THRB: variants seen among roughly 807,000 people sequenced by gnomAD.
The protein encoded by THRB is nuclear receptor subfamily 1 group A member 2.
A neutral mutation model predicts 47.8 loss-of-function variants in THRB; 12 were observed. The observed-to-expected ratio is 0.25, with a 90% confidence interval of 0.16 to 0.41. The LOEUF (loss-of-function observed/expected upper bound fraction) is 0.41. Ranked by LOEUF, THRB falls within the 10% of genes least tolerant of loss-of-function variation. The pLI, the probability that THRB is intolerant of heterozygous loss-of-function variation, is 1.00. For missense variants in THRB, 348 were observed against 589.2 expected, an observed-to-expected ratio of 0.59 and a Z score of 4.24; for synonymous variants, 218 against 212.2, an observed-to-expected ratio of 1.03 and a Z score of -0.24.
chr3:24,275,127 T>A (rs1428062269), intron 3 of THRB, among the ~76,000 whole-genome samples: 1 of 152,188 alleles, frequency 6.6e-6, no homozygotes, highest in East Asian at 1.9e-4. Flanking sequence ...AACATAAATA[T>A]TTGTTTGGAA....
intron 2 of THRB, among the ~76,000 whole-genome samples, chr3:24,329,605 C>T (rs1293101724): frequency 1.3e-5 from 2 of 152,254 alleles, no homozygotes; most frequent in Non-Finnish European, 2.9e-5. Flanking sequence ...TACACAGTGA[C>T]CAAACTGCAC....
chr3:24,221,042 G>T (rs1020118930), intron 4 of THRB, among the ~76,000 whole-genome samples: 1 of 152,150 alleles, frequency 6.6e-6, no homozygotes, highest in African/African-American at 2.4e-5. Context: ...TGGGGAACTG[G>T]CATTCCACAC....
intron 3 of THRB, among the ~76,000 whole-genome samples, chr3:24,246,659 C>T (rs917866373): frequency 1.2e-4 from 18 of 152,140 alleles, no homozygotes; most frequent in Non-Finnish European, 1.8e-4. Flanking sequence ...CTTCAACTAA[C>T]GCTTTCCCAG....
chr3:24,323,638 T>C (rs1451478272), intron 2 of THRB, among the ~76,000 whole-genome samples: 1 of 152,206 alleles, frequency 6.6e-6, no homozygotes, highest in African/African-American at 2.4e-5. Flanking sequence ...TTCATTGTTC[T>C]ATAATCCTGT....
chr3:24,398,784 T>C, intron 1 of THRB, among the ~76,000 whole-genome samples: 1 of 152,084 alleles, frequency 6.6e-6, no homozygotes, highest in Admixed American at 6.6e-5. Context: ...CACACGTAAG[T>C]TTATTGCGGC....
chr3:24,183,679 C>CTT (rs35441182), intron 5 of THRB, among the ~76,000 whole-genome samples: 23 of 137,074 alleles, frequency 1.7e-4, no homozygotes, highest in Admixed American at 4.4e-4. Flanking sequence ...GGCCTTTCAT[C>CTT]TTTTTTTTTT....
intron 1 of THRB, among the ~76,000 whole-genome samples, chr3:24,441,346 T>C (rs915504742): frequency 1.3e-5 from 2 of 152,156 alleles, no homozygotes; most frequent in African/African-American, 2.4e-5. Flanking sequence ...GTAGGAATCT[T>C]TGGAGCCATC....
intron 1 of THRB, among the ~76,000 whole-genome samples, chr3:24,340,471 C>T (rs952546111): frequency 6.7e-6 from 1 of 149,612 alleles, no homozygotes; most frequent in African/African-American, 2.4e-5. Context: ...AGATTGATTG[C>T]ATTGTATTAG....
At chr3:24,168,673 A>G (rs1355535137) in intron 5 of THRB, among the ~76,000 whole-genome samples, 5 of 151,784 alleles carry the variant, frequency 3.3e-5, no homozygotes, top group Non-Finnish European at 5.9e-5. Context: ...ACCAAGGAGC[A>G]GGAAATCCTG....
At chr3:24,242,809 T>C (rs1576249826) in intron 3 of THRB, among the ~76,000 whole-genome samples, 1 of 152,150 alleles carries the variant, frequency 6.6e-6, no homozygotes, top group South Asian at 2.1e-4. Flanking sequence ...AAGAATGAGA[T>C]TGACCTCAAG....
chr3:24,354,956 A>G (rs2063578015), intron 1 of THRB, among the ~76,000 whole-genome samples: 1 of 152,206 alleles, frequency 6.6e-6, no homozygotes, highest in Admixed American at 6.6e-5. Flanking sequence ...CAGAATGGAT[A>G]TTAAAACTAG....
At chr3:24,249,620 G>T (rs1473089528) in intron 3 of THRB, among the ~76,000 whole-genome samples, 1 of 152,178 alleles carries the variant, frequency 6.6e-6, no homozygotes, top group East Asian at 1.9e-4. Flanking sequence ...TACCTTCTCA[G>T]TTGGATTCAT....
chr3:24,226,354 G>A (rs1246078675), intron 4 of THRB, among the ~76,000 whole-genome samples: 7 of 152,120 alleles, frequency 4.6e-5, no homozygotes, highest in Admixed American at 3.3e-4. Flanking sequence ...CACTGCAATC[G>A]AAGGAGGGAA....
Position 24,378,465 on chromosome 3 carries a change from C to G in THRB, c.-260-41094G>C, listed in dbSNP as rs78153574. ...TGCAAAGAGACTATGTTACCTATCTCTTAGCCTTGTGATCACGGTGATCAT... is the reference window on the plus strand; with the variant it reads ...TGCAAAGAGACTATGTTACCTATCTGTTAGCCTTGTGATCACGGTGATCAT... On this transcript the variant is annotated intron_variant, in intron 1 of 10. Transcript: ENST00000646209. Among the ~76,000 whole-genome samples the G allele has an allele frequency of 5.7e-3, 871 of 152,234 alleles. 7 individuals are homozygous for G. The highest frequency in any genetic ancestry group is 0.015 in the African/African-American group (629 of 41,546).
At chr3:24,337,880 A>C (rs2062367048) in intron 1 of THRB, among the ~76,000 whole-genome samples, 2 of 152,168 alleles carry the variant, frequency 1.3e-5, no homozygotes, top group Admixed American at 6.5e-5. Context: ...TATGAATGTA[A>C]GCATGAAGCC....
At position 24,228,308 on chromosome 3, in the gene THRB, G is replaced by T. The variant is rs569301699; in HGVS notation, c.22+630C>A. Among the ~76,000 whole-genome samples, 21 of 152,184 alleles carry T rather than the reference G, an allele frequency of 1.4e-4. No homozygotes were observed. The South Asian group carries it at 1.7e-3, about 12-fold the overall frequency. On this transcript the variant is annotated intron_variant, in intron 4 of 10. Transcript: ENST00000646209. ...TCCAAGGTCATTCTGCCTCTCCTTT[G>T]ACCCTTGCTAAGAGTTTTATAACTG...
intron 2 of THRB, among the ~76,000 whole-genome samples, chr3:24,307,513 T>G (rs2057439898): frequency 1.3e-5 from 2 of 152,162 alleles, no homozygotes; most frequent in Admixed American, 6.6e-5. Context: ...TGACTTTATA[T>G]AGTTCACCAT....
intron 1 of THRB, among the ~76,000 whole-genome samples, chr3:24,350,925 C>T (rs2063321520): frequency 6.6e-6 from 1 of 152,086 alleles, no homozygotes; most frequent in South Asian, 2.1e-4. Context: ...CTACAGCTTA[C>T]ATCAGGGAAA....
rs1577946178 is a variant in THRB at position 24,487,116 on chromosome 3, A to G, written c.-261+7536T>C. On this transcript the variant is annotated intron_variant, in intron 1 of 10. Coordinates refer to ENST00000646209, the MANE Select transcript of THRB (RefSeq NM_001354712.2). Reference sequence around the variant, plus strand: ...CTTGCAAAACACTTCAACAACAGGCAGCATTAGCCAGTGTTGTATACAAGT... The same window carrying G: ...CTTGCAAAACACTTCAACAACAGGCGGCATTAGCCAGTGTTGTATACAAGT... 2.0e-5 allele frequency among the ~76,000 whole-genome samples: 3 copies of G among 152,244 alleles called. 1 individual carries two copies. The highest frequency in any genetic ancestry group is 4.1e-4 in the South Asian group (2 of 4,820).
Sources: allele counts gnomAD v4.1 joint callset (sites outside exome capture counted in the v4.1 genomes callset), GRCh38; gene constraint gnomAD v4.1.1; transcripts MANE v1.5; gene names NCBI Gene and HGNC (gene_info 2026-07-23, HGNC 2026-07-21).